IL1RAPL2: variants seen among roughly 807,000 people sequenced by gnomAD.
IL1RAPL2 encodes the protein X-linked interleukin-1 receptor accessory protein-like 2.
In IL1RAPL2, 3 loss-of-function variants were observed where a neutral mutation model predicts 44.1. The ratio of observed to expected loss-of-function variants is 0.07; its 90% CI spans 0.03 to 0.18. The LOEUF (loss-of-function observed/expected upper bound fraction) is 0.18. Ranked by LOEUF, IL1RAPL2 falls within the 10% of genes least tolerant of loss-of-function variation. The probability of loss-of-function intolerance (pLI) is 1.00; values close to 1 mark genes in which losing one functional copy is unlikely to be tolerated. For synonymous variants in IL1RAPL2, 181 were observed against 178.8 expected, an observed-to-expected ratio of 1.01 and a Z score of -0.10; for missense variants, 391 against 496.4, an observed-to-expected ratio of 0.79 and a Z score of 2.02.
At chrX:104,874,452 T>C (rs1443056423) in intron 2 of IL1RAPL2, among the ~76,000 whole-genome samples, 1 of 109,442 alleles carries the variant, frequency 9.1e-6, no homozygotes. Flanking sequence ...CCAATGGCAA[T>C]GCTCGTCCTC....
intron 2 of IL1RAPL2, among the ~76,000 whole-genome samples, chrX:104,912,111 C>G (rs1054645557): frequency 1.9e-5 from 2 of 106,140 alleles, no homozygotes; most frequent in Admixed American, 2.1e-4. Flanking sequence ...GTCCTTCTAT[C>G]TTTTATCAGC....
At chrX:105,273,770 T>A (rs1240872233) in intron 5 of IL1RAPL2, among the ~76,000 whole-genome samples, 1 of 112,152 alleles carries the variant, frequency 8.9e-6, no homozygotes, top group Admixed American at 9.5e-5. Context: ...AGTGTATACA[T>A]GTTAGATAAA....
At chrX:105,273,812 T>C in intron 5 of IL1RAPL2, among the ~76,000 whole-genome samples, 1 of 112,049 alleles carries the variant, frequency 8.9e-6, no homozygotes, top group South Asian at 3.7e-4. Context: ...ATTCTGCTTT[T>C]GTGAGTTGAT....
intron 3 of IL1RAPL2, among the ~76,000 whole-genome samples, chrX:105,227,384 T>C (rs908928556): frequency 2.7e-5 from 3 of 111,720 alleles, no homozygotes; most frequent in African/African-American, 9.8e-5. Context: ...TGGCATTCTT[T>C]GTTCTGTTTT....
chrX:105,359,795 T>C (rs2035234543), intron 5 of IL1RAPL2, among the ~76,000 whole-genome samples: 1 of 110,752 alleles, frequency 9.0e-6, no homozygotes, highest in Non-Finnish European at 1.9e-5. Flanking sequence ...TAGTTTTAAT[T>C]ACCATTGGTT....
intron 5 of IL1RAPL2, among the ~76,000 whole-genome samples, chrX:105,381,007 C>T (rs2035425907): frequency 9.0e-6 from 1 of 111,262 alleles, no homozygotes; most frequent in Non-Finnish European, 1.9e-5. Flanking sequence ...TTATTGAGTG[C>T]TTGCTGTGGG....
At chrX:104,905,295 C>A (rs1234779482) in intron 2 of IL1RAPL2, among the ~76,000 whole-genome samples, 1 of 111,575 alleles carries the variant, frequency 9.0e-6, no homozygotes, top group Non-Finnish European at 1.9e-5. Context: ...TGTGCAGAAG[C>A]TCTTTAGTTT....
intron 2 of IL1RAPL2, among the ~76,000 whole-genome samples, chrX:104,677,881 T>G (rs958291064): frequency 3.6e-5 from 4 of 112,108 alleles, no homozygotes; most frequent in African/African-American, 1.3e-4. Context: ...CGTCACCCCT[T>G]TCTTTGACTC....
chrX:105,510,928 G>T (rs780227532), intron 6 of IL1RAPL2, among the ~76,000 whole-genome samples: 67 of 111,901 alleles, frequency 6.0e-4, no homozygotes, highest in African/African-American at 2.0e-3. Flanking sequence ...GTGATAACTT[G>T]CACAGCAATA....
At chrX:104,751,823 T>C (rs1932264448) in intron 2 of IL1RAPL2, among the ~76,000 whole-genome samples, 1 of 111,446 alleles carries the variant, frequency 9.0e-6, no homozygotes, top group South Asian at 3.8e-4. Context: ...CCAGGAGTTA[T>C]GATCTGTGTT....
intron 7 of IL1RAPL2, among the ~76,000 whole-genome samples, chrX:105,720,655 G>T (rs2038295446): frequency 9.0e-6 from 1 of 111,087 alleles, no homozygotes; most frequent in Non-Finnish European, 1.9e-5. Flanking sequence ...GAAGAAATCT[G>T]CTAGGAACAT....
At chrX:104,906,807 G>T (rs1191918258) in intron 2 of IL1RAPL2, among the ~76,000 whole-genome samples, 2 of 111,868 alleles carry the variant, frequency 1.8e-5, no homozygotes, top group Non-Finnish European at 3.8e-5. Context: ...GTATCAGAAT[G>T]ATGCTGGCCT....
chrX:105,275,664 T>TAAG (rs201673966), intron 5 of IL1RAPL2, among the ~76,000 whole-genome samples: 4,035 of 111,947 alleles, frequency 0.036, 200 homozygotes, highest in African/African-American at 0.12. Flanking sequence ...GAGCATCTTA[T>TAAG]AATTTCAAAG....
intron 2 of IL1RAPL2, among the ~76,000 whole-genome samples, chrX:105,030,128 G>T (rs182521610): frequency 1.5e-3 from 171 of 111,433 alleles, no homozygotes; most frequent in Admixed American, 2.6e-3. Context: ...GTTGTTCATT[G>T]TAGATTCTAG....
intron 1 of IL1RAPL2, among the ~76,000 whole-genome samples, chrX:104,613,994 T>C (rs997985058): frequency 9.0e-6 from 1 of 110,546 alleles, no homozygotes; most frequent in Admixed American, 9.7e-5. Context: ...TTTTTCATAA[T>C]AGCCTCTAAT....
intron 6 of IL1RAPL2, among the ~76,000 whole-genome samples, chrX:105,663,740 A>G (rs1193639775): frequency 1.8e-5 from 2 of 112,153 alleles, no homozygotes; most frequent in East Asian, 5.6e-4. Context: ...GAAGCAGAGA[A>G]AAGTCTTGAC....
intron 5 of IL1RAPL2, among the ~76,000 whole-genome samples, chrX:105,422,169 T>C (rs985582568): frequency 8.9e-6 from 1 of 112,022 alleles, no homozygotes; most frequent in Admixed American, 9.5e-5. Context: ...TTTTGTTTCA[T>C]AGGAGTCTCA....
chrX:105,363,293 T>TATATATATA (rs1556299039), intron 5 of IL1RAPL2, among the ~76,000 whole-genome samples: 1 of 77,460 alleles, frequency 1.3e-5, no homozygotes, highest in African/African-American at 9.4e-5. Flanking sequence ...ATATATAATA[T>TATATATATA]ATATATATAT....
intron 5 of IL1RAPL2, among the ~76,000 whole-genome samples, chrX:105,404,623 C>T (rs1212547962): frequency 1.3e-4 from 15 of 111,202 alleles, no homozygotes; most frequent in Non-Finnish European, 2.8e-4. Flanking sequence ...GGCAGGTTCT[C>T]CTGAACTTAC....
Sources: allele counts gnomAD v4.1 joint callset (sites outside exome capture counted in the v4.1 genomes callset), GRCh38; gene constraint gnomAD v4.1.1; transcripts MANE v1.5; gene names NCBI Gene and HGNC (gene_info 2026-07-23, HGNC 2026-07-21).